The following CHSY3 variants were observed in gnomAD, a reference collection of about 807,000 sequenced individuals.
CHSY3 encodes chondroitin sulfate synthase 3.
Under a neutral mutation model 67.2 loss-of-function variants are expected in CHSY3, and 35 were observed. That is an observed-to-expected ratio of 0.52 (90% CI 0.40 to 0.69). The LOEUF (loss-of-function observed/expected upper bound fraction) is 0.69, where lower values mean the gene tolerates loss of function less well. Among genes scored for constraint, CHSY3 ranks in the 30% least tolerant of loss-of-function variants. CHSY3 has a pLI of 0.00. For missense variants in CHSY3, 1,069 were observed against 1,138.5 expected, an observed-to-expected ratio of 0.94 and a Z score of 0.88; for synonymous variants, 474 against 434.7, an observed-to-expected ratio of 1.09 and a Z score of -1.12.
chr5:130,110,476 T>C (rs1580741947), intron 2 of CHSY3, among the ~76,000 whole-genome samples: 2 of 152,024 alleles, frequency 1.3e-5, no homozygotes, highest in African/African-American at 4.8e-5. Context: ...TGTTCTGACA[T>C]TTCTCAAAGG....
intron 2 of CHSY3, among the ~76,000 whole-genome samples, chr5:130,061,030 C>A (rs1349264977): frequency 6.6e-6 from 1 of 152,044 alleles, no homozygotes; most frequent in African/African-American, 2.4e-5. Context: ...TCTAAAATTT[C>A]AATATCATTT....
intron 2 of CHSY3, among the ~76,000 whole-genome samples, chr5:129,992,905 A>T (rs771016225): frequency 6.6e-6 from 1 of 152,268 alleles, no homozygotes; most frequent in South Asian, 2.1e-4. Context: ...ATTCTCACAC[A>T]TATCTATTAT....
intron 2 of CHSY3, among the ~76,000 whole-genome samples, chr5:130,011,039 T>C (rs1764043615): frequency 6.6e-6 from 1 of 152,136 alleles, no homozygotes; most frequent in Admixed American, 6.5e-5. Flanking sequence ...CAAATTCTAT[T>C]AGATGTATAA....
chr5:129,927,164 TTTATG>T (rs1561458403), intron 2 of CHSY3, among the ~76,000 whole-genome samples: 8 of 151,928 alleles, frequency 5.3e-5, no homozygotes, highest in Admixed American at 5.2e-4. Context: ...GAATTTTCAT[TTTATG>T]TTCTTTATGC....
chr5:130,048,445 A>G (rs1205601766), intron 2 of CHSY3, among the ~76,000 whole-genome samples: 1 of 152,022 alleles, frequency 6.6e-6, no homozygotes, highest in African/African-American at 2.4e-5. Context: ...TTTGGAAAAT[A>G]TTCACTCTTT....
intron 2 of CHSY3, among the ~76,000 whole-genome samples, chr5:130,129,675 A>T (rs1391557647): frequency 6.6e-6 from 1 of 152,174 alleles, no homozygotes; most frequent in Non-Finnish European, 1.5e-5. Context: ...AAAACATTGT[A>T]ATGGAAAGAA....
Position 129,962,708 on chromosome 5 carries a change from T to A in CHSY3, c.1086+54348T>A, listed in dbSNP as rs567625149. ...CTCTAGTCAAGCAAAGAAATCCTGC[T>A]TCCTCCTCTTTGATGGTGACATCAA... On this transcript the variant is annotated intron_variant, in intron 2 of 2. Coordinates refer to ENST00000305031, the MANE Select transcript of CHSY3 (RefSeq NM_175856.5). 2.0e-5 allele frequency among the ~76,000 whole-genome samples: 3 copies of A among 152,150 alleles called. No homozygotes were observed. The East Asian group carries it at 5.8e-4, about 29-fold the overall frequency.
chr5:130,035,487 TA>T (rs1372243201), intron 2 of CHSY3, among the ~76,000 whole-genome samples: 1 of 152,098 alleles, frequency 6.6e-6, no homozygotes, highest in Non-Finnish European at 1.5e-5. Flanking sequence ...AAAAACAAAC[TA>T]AATTGGCTAC....
At chr5:130,155,906 T>C (rs77402449) in intron 2 of CHSY3, among the ~76,000 whole-genome samples, 6,368 of 152,270 alleles carry the variant, frequency 0.042, 359 homozygotes, top group East Asian at 0.27. Flanking sequence ...TCTTGTTTTT[T>C]AATCATTGTA....
intron 2 of CHSY3, among the ~76,000 whole-genome samples, chr5:130,014,968 G>A (rs1352250404): frequency 3.3e-5 from 5 of 152,122 alleles, no homozygotes; most frequent in Admixed American, 2.0e-4. Flanking sequence ...ATCTGACAAA[G>A]GTCAAATATC....
intron 2 of CHSY3, among the ~76,000 whole-genome samples, chr5:130,018,251 AT>A (rs1161476685): frequency 6.6e-6 from 1 of 152,172 alleles, no homozygotes; most frequent in Admixed American, 6.5e-5. Context: ...TTTAAATCTT[AT>A]TGTTTAAATC....
At chr5:130,025,638 T>C (rs1287687557) in intron 2 of CHSY3, among the ~76,000 whole-genome samples, 1 of 152,030 alleles carries the variant, frequency 6.6e-6, no homozygotes, top group Non-Finnish European at 1.5e-5. Flanking sequence ...CACCAGTAGA[T>C]TTGGTGTCTG....
intron 2 of CHSY3, among the ~76,000 whole-genome samples, chr5:130,183,276 T>C (rs1207450702): frequency 6.6e-6 from 1 of 152,156 alleles, no homozygotes; most frequent in East Asian, 1.9e-4. Context: ...CCTGAACTAG[T>C]GAATTTGTTC....
At chr5:130,100,591 T>G (rs1195023582) in intron 2 of CHSY3, among the ~76,000 whole-genome samples, 1 of 152,154 alleles carries the variant, frequency 6.6e-6, no homozygotes, top group Non-Finnish European at 1.5e-5. Context: ...AAAGTCAAAT[T>G]TAGGTCCCTT....
intron 2 of CHSY3, among the ~76,000 whole-genome samples, chr5:130,165,126 G>C (rs918288354): frequency 2.6e-5 from 4 of 152,106 alleles, no homozygotes; most frequent in African/African-American, 9.7e-5. Flanking sequence ...TGACAGAAGG[G>C]AGAGTCATAT....
At chr5:129,965,591 G>A (rs1164878505) in intron 2 of CHSY3, among the ~76,000 whole-genome samples, 1 of 151,850 alleles carries the variant, frequency 6.6e-6, no homozygotes, top group Non-Finnish European at 1.5e-5. Context: ...AGTCATTAAA[G>A]AAAGGTTTTC....
At chr5:130,182,535 C>T (rs1481571033) in intron 2 of CHSY3, among the ~76,000 whole-genome samples, 1 of 151,894 alleles carries the variant, frequency 6.6e-6, no homozygotes, top group East Asian at 1.9e-4. Flanking sequence ...ATGGTTAGTG[C>T]CTTATGCCCT....
chr5:130,013,599 G>C (rs1437531036), intron 2 of CHSY3, among the ~76,000 whole-genome samples: 4 of 152,214 alleles, frequency 2.6e-5, no homozygotes, highest in Non-Finnish European at 5.9e-5. Flanking sequence ...GGCCCCAGCT[G>C]TACCTTGGTC....
chr5:129,993,161 T>C (rs1303218230), intron 2 of CHSY3, among the ~76,000 whole-genome samples: 1 of 152,176 alleles, frequency 6.6e-6, no homozygotes, highest in Non-Finnish European at 1.5e-5. Context: ...TGCTCAAGTT[T>C]ATATGGCAAA....
Sources: gnomAD v4.1 joint callset for allele counts (sites outside exome capture counted in the v4.1 genomes callset) on GRCh38, gnomAD v4.1.1 for gene constraint, MANE v1.5 for transcripts, NCBI Gene and HGNC (gene_info 2026-07-23, HGNC 2026-07-21) for gene names.